The following INTS2 variants were observed in gnomAD, a reference collection of about 807,000 sequenced individuals.
INTS2 encodes KIAA1287.
In INTS2, 57 loss-of-function variants were observed where a neutral mutation model predicts 139.6. The observed-to-expected ratio is 0.41, with a 90% CI of 0.33 to 0.51. INTS2 has a LOEUF of 0.51. Ranked by LOEUF, INTS2 falls within the 20% of genes least tolerant of loss-of-function variation. The probability of loss-of-function intolerance (pLI) is 0.28; values close to 1 mark genes in which losing one functional copy is unlikely to be tolerated. For missense variants in INTS2, 1,196 were observed against 1,436.7 expected (o/e 0.83, Z 2.71); for synonymous variants, 473 against 493.4 (o/e 0.96, Z 0.55).
chr17:61,869,827 A>C lies in INTS2; in HGVS notation c.2940T>G (p.Cys980Trp), dbSNP rs769688548. 113 of 1,613,834 alleles carry C rather than the reference A, an allele frequency of 7.0e-5. No individual in the cohort carries two copies. Among genetic ancestry groups the C allele is most frequent in the Non-Finnish European group, 9.2e-5 (109 of 1,179,838 alleles). ...TAAGGCACTGAACTTCTCGAAGGTT[A>C]CAGAGCAAATTGTCTTCTCCTTCCT... ...GMEEGEDNLL[C>W]NLREVQCLIC... Residue 980 changes from cysteine to tryptophan, a missense_variant, in exon 21 of 25, where the codon TGT becomes TGG. Transcript: ENST00000251334. The surrounding 1 kb of genome is among the most constrained non-coding windows in gnomAD (Gnocchi z 5.4).
chr17:61,872,168 T>G lies in INTS2; in HGVS notation c.2778+97A>C, dbSNP rs146829055. On this transcript the variant is annotated intron_variant, in intron 20 of 24. Transcript: ENST00000251334. The surrounding 1 kb of genome is among the most constrained non-coding windows in gnomAD (Gnocchi z 4.8). ...AAAGAAATGCACAATATGTCACCAATGTACATGGAGCGCACAATGTGCCAT... is the reference window on the plus strand; with the variant it reads ...AAAGAAATGCACAATATGTCACCAAGGTACATGGAGCGCACAATGTGCCAT... The G allele has an allele frequency of 3.0e-5, 19 of 631,076 alleles. No homozygotes were observed. Among genetic ancestry groups the G allele is most frequent in the Non-Finnish European group, 4.5e-5 (17 of 374,176 alleles). 39.1% of individuals were successfully genotyped at this position (631,076 alleles called of 1,614,324 possible). A position where few individuals can be genotyped will look rare whatever the true frequency, so the allele number is the denominator to read the frequency against.
chr17:61,923,315 A>C (rs1357605973), intron 3 of INTS2, among the ~76,000 whole-genome samples: 1 of 151,108 alleles, frequency 6.6e-6, no homozygotes, highest in Non-Finnish European at 1.5e-5. Context: ...GTCTCTACTA[A>C]AAATACAAAA....
Position 61,895,516 on chromosome 17 carries a change from T to G in INTS2, c.1495-133A>C, listed in dbSNP as rs138739809. 2.6e-4 allele frequency: 131 copies of G among 510,074 alleles called. No individual in the cohort carries two copies. The East Asian group carries it at 4.6e-3, about 18-fold the overall frequency. 31.6% of individuals were successfully genotyped at this position (510,074 alleles called of 1,614,324 possible). A position where few individuals can be genotyped will look rare whatever the true frequency, so the allele number is the denominator to read the frequency against. On this transcript the variant is annotated intron_variant, in intron 11 of 24. Transcript: ENST00000251334. Reference sequence around the variant, plus strand: ...CAAGTACTCTACTCTGTTTTAGAAGTGCTTTCCCAAACCCAACATTAAAGT... The same window carrying G: ...CAAGTACTCTACTCTGTTTTAGAAGGGCTTTCCCAAACCCAACATTAAAGT...
intron 3 of INTS2, among the ~76,000 whole-genome samples, chr17:61,924,525 A>T (rs1346809290): frequency 6.6e-6 from 1 of 152,208 alleles, no homozygotes; most frequent in Non-Finnish European, 1.5e-5. Context: ...ATATAGAAAT[A>T]AAAGTAGAGA....
chr17:61,898,448 C>G (rs1282469060), intron 9 of INTS2, among the ~76,000 whole-genome samples: 1 of 152,112 alleles, frequency 6.6e-6, no homozygotes, highest in African/African-American at 2.4e-5. Flanking sequence ...GCATGCGCTA[C>G]TGCATCCAGC....
At position 61,889,884 on chromosome 17, in the gene INTS2, A is replaced by T; in HGVS notation, c.1886T>A (p.Ile629Asn). The change falls in exon 15 of 25, where the codon ATC becomes AAC. Residue 629 changes from isoleucine to asparagine, a missense_variant. Coordinates refer to ENST00000251334, the MANE Select transcript of INTS2 (RefSeq NM_001351695.2). ...GATACTGAAACGCTGATTAAGGCGG[A>T]TGTTGTCACCCTGGAGGTAATATTA... ...IFQGVIGGDN[I>N]RLNQRFSITA... 6.2e-7 allele frequency: 1 copy of T among 1,604,526 alleles called. No individual in the cohort carries two copies. The highest frequency in any genetic ancestry group is 8.5e-7 in the Non-Finnish European group (1 of 1,172,402).
At position 61,881,190 on chromosome 17, in the gene INTS2, A is replaced by G; in HGVS notation, c.2090-19T>C. On this transcript the variant is annotated intron_variant, in intron 16 of 24. Transcript: ENST00000251334. The stretch of plus-strand genomic sequence containing the variant: ...TGCAACCCTTGAAAATTTACAGAAA[A>G]TCAATTGGATTCTTCATGCTCAAAC... 6.3e-7 allele frequency: 1 copy of G among 1,598,128 alleles called. No homozygotes were observed. The highest frequency in any genetic ancestry group is 2.2e-5 in the East Asian group (1 of 44,692).
chr17:61,926,531 C>A lies in INTS2; in HGVS notation c.114G>T (p.Leu38=), dbSNP rs775490070. The change falls in exon 2 of 25, where the codon CTG becomes CTT. Residue 38 remains leucine, a synonymous_variant. Coordinates refer to ENST00000251334, the MANE Select transcript of INTS2 (RefSeq NM_001351695.2). ...SLSDPELRLL[L]PCLVRMALCA... ...AAAGTGCCATCCGTACCAAACAGGGCAGAAGAAGTCTTAATTCTGGATCAC... is the reference window on the plus strand; with the variant it reads ...AAAGTGCCATCCGTACCAAACAGGGAAGAAGAAGTCTTAATTCTGGATCAC... 6.2e-7 allele frequency: 1 copy of A among 1,613,836 alleles called. No individual in the cohort carries two copies. The highest frequency in any genetic ancestry group is 8.5e-7 in the Non-Finnish European group (1 of 1,179,784).
At chr17:61,901,460 C>T (rs968681211) in intron 9 of INTS2, among the ~76,000 whole-genome samples, 9 of 150,088 alleles carry the variant, frequency 6.0e-5, no homozygotes, top group Non-Finnish European at 1.2e-4. Context: ...TATAATGAAC[C>T]AATAGACACT....
chr17:61,887,543 T>A (rs913017526), intron 15 of INTS2, among the ~76,000 whole-genome samples: 1 of 151,126 alleles, frequency 6.6e-6, no homozygotes, highest in Non-Finnish European at 1.5e-5. Context: ...TTATTTCAGG[T>A]TCCTAGATAG....
intron 9 of INTS2, among the ~76,000 whole-genome samples, chr17:61,901,775 T>C (rs2079409302): frequency 6.6e-6 from 1 of 151,938 alleles, no homozygotes; most frequent in African/African-American, 2.4e-5. Flanking sequence ...TTGTATTTTT[T>C]TTAGTAGAGA....
chr17:61,901,530 G>A (rs1208414354), intron 9 of INTS2, among the ~76,000 whole-genome samples: 1 of 136,960 alleles, frequency 7.3e-6, no homozygotes, highest in Non-Finnish European at 1.5e-5. Context: ...GACTGAATAG[G>A]AATTGAAGAT....
intron 15 of INTS2, among the ~76,000 whole-genome samples, chr17:61,886,770 A>T (rs2079233064): frequency 6.6e-6 from 1 of 152,220 alleles, no homozygotes; most frequent in Non-Finnish European, 1.5e-5. Flanking sequence ...TTCACAAAGG[A>T]TGTACAATGT....
intron 3 of INTS2, among the ~76,000 whole-genome samples, chr17:61,924,025 C>A (rs2079681436): frequency 6.6e-6 from 1 of 152,116 alleles, no homozygotes; most frequent in Non-Finnish European, 1.5e-5. Context: ...AACTATATTA[C>A]CCAAAGGTCT....
At chr17:61,922,820 G>A (rs1385185192) in intron 3 of INTS2, among the ~76,000 whole-genome samples, 1 of 152,048 alleles carries the variant, frequency 6.6e-6, no homozygotes, top group African/African-American at 2.4e-5. Context: ...GCTCATGCCT[G>A]TAATCTCAGA....
chr17:61,911,761 C>A, intron 6 of INTS2, 68 bp from the exon 7 acceptor site: 1 of 1,486,956 alleles, frequency 6.7e-7, no homozygotes, highest in Non-Finnish European at 9.1e-7. Flanking sequence ...GCTTCCAAAT[C>A]TAAAGTATCT....
At chr17:61,916,972 G>C (rs555858821) in intron 5 of INTS2, among the ~76,000 whole-genome samples, 4 of 151,912 alleles carry the variant, frequency 2.6e-5, no homozygotes, top group Non-Finnish European at 5.9e-5. Flanking sequence ...TTAAAAGTGA[G>C]GAAAGAACAC....
Position 61,871,878 on chromosome 17 carries a change from G to A in INTS2, c.2778+387C>T, listed in dbSNP as rs1603371763. 6.5e-6 allele frequency: 1 copy of A among 153,362 alleles called. No homozygotes were observed. Among genetic ancestry groups the A allele is most frequent in the African/African-American group, 2.4e-5 (1 of 41,450 alleles). The allele number at this position is 153,362 out of a possible 1,614,324, so 9.5% of individuals were successfully genotyped here. On this transcript the variant is annotated intron_variant, in intron 20 of 24. Transcript: ENST00000251334. The surrounding 1 kb of genome is among the most constrained non-coding windows in gnomAD (Gnocchi z 4.9). ...GAACCCGGGAGGCGGATGTTGCCAT[G>A]AGCCAAGATTACACCTCTGCACTCC...
intron 13 of INTS2, among the ~76,000 whole-genome samples, chr17:61,892,727 G>A (rs1300053962): frequency 1.3e-5 from 2 of 151,078 alleles, no homozygotes; most frequent in African/African-American, 2.4e-5. Flanking sequence ...GGTGGATCAC[G>A]TGAGGTCAGG....
Sources: allele counts gnomAD v4.1 joint callset (sites outside exome capture counted in the v4.1 genomes callset), GRCh38; gene constraint gnomAD v4.1.1; non-coding constraint Gnocchi (gnomAD v3.1); transcripts MANE v1.5; gene names NCBI Gene and HGNC (gene_info 2026-07-23, HGNC 2026-07-21).